The following POLR3E variants were observed in gnomAD, a reference collection of about 807,000 sequenced individuals.
The protein encoded by POLR3E is DNA-directed RNA polymerase III subunit RPC5.
In POLR3E, 41 loss-of-function variants were observed where a neutral mutation model predicts 96.6. The observed-to-expected ratio is 0.42, with a 90% CI of 0.33 to 0.55. The LOEUF (loss-of-function observed/expected upper bound fraction) is 0.55, where lower values mean the gene tolerates loss of function less well. Ranked by LOEUF, POLR3E falls within the 20% of genes least tolerant of loss-of-function variation. POLR3E has a pLI of 0.06. For missense variants in POLR3E, 849 were observed against 952.1 expected (o/e 0.89, Z 1.43); for synonymous variants, 396 against 383.6 (o/e 1.03, Z -0.38).
intron 16 of POLR3E, 24 bp from the exon 17 acceptor site, chr16:22,325,181 T>C (rs748707254): frequency 1.9e-6 from 3 of 1,592,428 alleles, no homozygotes; most frequent in Non-Finnish European, 2.6e-6. Flanking sequence ...GGTTTAAAGT[T>C]AATGGGGTTA....
Position 22,317,219 on chromosome 16 carries a change from C to A in POLR3E, c.865+13C>A. ...CTGATGAAGAATGGTGGGTGCCTAC[C>A]CCCTGCCCACCCGGGGGCCCCAGTC... On this transcript the variant is annotated intron_variant, in intron 12 of 20. Transcript: ENST00000299853. 1.2e-6 allele frequency: 2 copies of A among 1,601,138 alleles called. No homozygotes were observed. The highest frequency in any genetic ancestry group is 1.7e-6 in the Non-Finnish European group (2 of 1,172,426).
At position 22,313,363 on chromosome 16, in the gene POLR3E, A is replaced by G. The variant is rs1301556946; in HGVS notation, c.365-257A>G. ...GCGTGGAACCAGACTGGGAGGTGGG[A>G]CTGAAGGAAGTGGCTTCGAACAGAA... On this transcript the variant is annotated intron_variant, in intron 6 of 20. Transcript: ENST00000299853. This position sits in a 1 kb window ranked among gnomAD's most constrained non-coding sequence, Gnocchi z 4.1. Among the ~76,000 whole-genome samples the G allele has an allele frequency of 6.6e-6, 1 of 152,186 alleles. No individual in the cohort carries two copies. Among genetic ancestry groups the G allele is most frequent in the African/African-American group, 2.4e-5 (1 of 41,452 alleles).
At chr16:22,305,963 G>A (rs1214528641) in intron 3 of POLR3E, among the ~76,000 whole-genome samples, 1 of 152,110 alleles carries the variant, frequency 6.6e-6, no homozygotes, top group Non-Finnish European at 1.5e-5. Flanking sequence ...ATGGATTTTA[G>A]TCTACTCATG....
At position 22,333,812 on chromosome 16, in the gene POLR3E, C is replaced by G. The variant is rs1166521897; in HGVS notation, c.*112C>G. The G allele has an allele frequency of 8.0e-6, 6 of 752,670 alleles. No individual in the cohort carries two copies. The highest frequency in any genetic ancestry group is 2.5e-4 in the Middle Eastern group (1 of 3,944). 46.6% of individuals were successfully genotyped at this position (752,670 alleles called of 1,614,324 possible). ...ACACAGAGCAAGAGGAACTGACCAT[C>G]TCATGACCTGTGGCATTGCACGGTG... On this transcript the variant is annotated 3_prime_UTR_variant, in exon 21 of 21. Coordinates refer to ENST00000299853, the MANE Select transcript of POLR3E (RefSeq NM_018119.4).
In POLR3E at chr16:22,334,097, A is replaced by T. The variant is rs1598283722; in HGVS notation, c.*397A>T. On this transcript the variant is annotated 3_prime_UTR_variant, in exon 21 of 21. Transcript: ENST00000299853. ...AAGTTATGTTTACAACATGAAGAAA[A>T]CCTCAAAGTTCTTAATTTTTAAAAT... is the stretch of plus-strand genomic sequence containing the variant. 5.9e-6 allele frequency: 1 copy of T among 169,668 alleles called. No individual in the cohort carries two copies. The highest frequency in any genetic ancestry group is 1.2e-5 in the Non-Finnish European group (1 of 80,036). The allele number at this position is 169,668 out of a possible 1,614,324, so 10.5% of individuals were successfully genotyped here.
chr16:22,331,485 A>G (rs532289105), intron 19 of POLR3E: 16 of 152,520 alleles, frequency 1.0e-4, no homozygotes, highest in African/African-American at 3.6e-4. Flanking sequence ...TTGAGTTCTT[A>G]TAAAATCCTG....
Position 22,322,973 on chromosome 16 carries a change from G to A in POLR3E, c.1068+42G>A. ...CTCTGGACTCACGGTGGGGGCGTGG[G>A]AAGAGGGGGGCAGCGGTGCAGGGCT... On this transcript the variant is annotated intron_variant, in intron 14 of 20. Transcript: ENST00000299853. This position sits in a 1 kb window ranked among gnomAD's most constrained non-coding sequence, Gnocchi z 5.2. 7.2e-7 allele frequency: 1 copy of A among 1,385,936 alleles called. No individual in the cohort carries two copies. Among genetic ancestry groups the A allele is most frequent in the Non-Finnish European group, 1.0e-6 (1 of 983,250 alleles). 85.9% of individuals were successfully genotyped at this position (1,385,936 alleles called of 1,614,324 possible). A position where few individuals can be genotyped will look rare whatever the true frequency, so the allele number is the denominator to read the frequency against.
chr16:22,319,634 C>T (rs578251357), intron 13 of POLR3E, among the ~76,000 whole-genome samples: 1 of 152,058 alleles, frequency 6.6e-6, no homozygotes, highest in South Asian at 2.1e-4. Flanking sequence ...CTCCTGACCT[C>T]GTGATCTGCC....
chr16:22,332,060 C>T lies in POLR3E; in HGVS notation c.1945C>T (p.His649Tyr), dbSNP rs769877164. The T allele has an allele frequency of 1.9e-6, 3 of 1,613,140 alleles. No individual in the cohort carries two copies. In the African/African-American group the frequency reaches 4.0e-5, roughly 22 times the overall value. ...TCATAACGTGTTTTTGCTACTAAAGCATCGACAGGTTTTGCTTGAAATTTT... is the reference window on the plus strand; with the variant it reads ...TCATAACGTGTTTTTGCTACTAAAGTATCGACAGGTTTTGCTTGAAATTTT... ...LWESGDMSDQHRQVLLEIFSK... is the reference protein window; with the variant it reads ...LWESGDMSDQYRQVLLEIFSK... Residue 649 changes from histidine (H) to tyrosine (Y), a missense_variant and splice_region_variant, in exon 20 of 21, where the codon CAT becomes TAT. Coordinates refer to ENST00000299853, the MANE Select transcript of POLR3E (RefSeq NM_018119.4).
At chr16:22,328,670 C>A in intron 19 of POLR3E, 83 bp downstream of exon 19, 1 of 1,052,124 alleles carries the variant, frequency 9.5e-7, no homozygotes, top group African/African-American at 1.6e-5. Flanking sequence ...CATGTGCACC[C>A]AAAGTGCAGC....
Position 22,333,701 on chromosome 16 carries a change from C to A in POLR3E, c.*1C>A. On this transcript the variant is annotated 3_prime_UTR_variant, in exon 21 of 21. Transcript: ENST00000299853. ...CCTTAAAGGGACAGTACAGTCTTGA[C>A]AATAGTAGCAAACTACTAACCCAGC... 1 of 1,600,174 alleles carries A rather than the reference C, an allele frequency of 6.2e-7. No homozygotes were observed. Among genetic ancestry groups the A allele is most frequent in the Non-Finnish European group, 8.6e-7 (1 of 1,167,258 alleles).
At chr16:22,312,517 A>G (rs1033033369) in intron 6 of POLR3E, among the ~76,000 whole-genome samples, 1 of 152,004 alleles carries the variant, frequency 6.6e-6, no homozygotes, top group South Asian at 2.1e-4. Context: ...ATTGATTAGT[A>G]TGCCTTAAAT....
At chr16:22,299,657 G>A (rs1303235789) in intron 1 of POLR3E, among the ~76,000 whole-genome samples, 10 of 151,740 alleles carry the variant, frequency 6.6e-5, no homozygotes, top group African/African-American at 2.4e-4. Flanking sequence ...CAGGTGATCC[G>A]CCTGCCTCGG....
chr16:22,328,717 A>T, intron 19 of POLR3E, 130 bp downstream of exon 19: 1 of 743,616 alleles, frequency 1.3e-6, no homozygotes, highest in Non-Finnish European at 2.4e-6. Flanking sequence ...TCGGTTTTAA[A>T]TATCCTGCTC....
At chr16:22,316,808 C>A in intron 10 of POLR3E, 122 bp downstream of exon 10, 1 of 1,004,590 alleles carries the variant, frequency 1.0e-6, no homozygotes, top group South Asian at 1.3e-5. Flanking sequence ...GCCCATTGTC[C>A]CCTGGAGAAG....
intron 13 of POLR3E, among the ~76,000 whole-genome samples, chr16:22,320,997 T>G (rs2048461934): frequency 6.6e-6 from 1 of 152,236 alleles, no homozygotes; most frequent in South Asian, 2.1e-4. Flanking sequence ...TCTTTAAGTG[T>G]GAATTTTTTA....
At chr16:22,308,096 C>A in intron 3 of POLR3E, 52 bp from the exon 4 acceptor site, 1 of 1,406,854 alleles carries the variant, frequency 7.1e-7, no homozygotes, top group Non-Finnish European at 1.0e-6. Context: ...CAGGGCCCAG[C>A]TCTGGGCATG....
rs1452546462 is a variant in POLR3E, at chr16:22,302,980, A to C, written c.12A>C (p.Glu4Asp). Residue 4 changes from glutamate (E) to aspartate (D), a missense_variant, in exon 2 of 21, where the codon GAA becomes GAC. Glu to Asp is a conservative substitution (Grantham distance 45). Coordinates refer to ENST00000299853, the MANE Select transcript of POLR3E (RefSeq NM_018119.4). ...GGCTCTCCTCTAGTATGGCCAATGA[A>C]GAGGATGACCCAGTTGTACAGGAGG... Reference protein sequence around the residue: MANEEDDPVVQEID... With the variant: MANDEDDPVVQEID... 2 of 1,614,070 alleles carry C rather than the reference A, an allele frequency of 1.2e-6. No homozygotes were observed. The highest frequency in any genetic ancestry group is 4.5e-5 in the East Asian group (2 of 44,882).
At chr16:22,324,273 AGG>A in intron 14 of POLR3E, 79 bp from the exon 15 acceptor site, 2 of 1,148,444 alleles carry the variant, frequency 1.7e-6, no homozygotes, top group Non-Finnish European at 2.6e-6. Flanking sequence ...TCCAGCTCCC[AGG>A]CCTGCCAGGT....
Sources: gnomAD v4.1 joint callset for allele counts (sites outside exome capture counted in the v4.1 genomes callset) on GRCh38, gnomAD v4.1.1 for gene constraint, Gnocchi (gnomAD v3.1) non-coding constraint, MANE v1.5 for transcripts, NCBI Gene and HGNC (gene_info 2026-07-23, HGNC 2026-07-21) for gene names.